SH3GL2: variants seen among roughly 807,000 people sequenced by gnomAD.
SH3GL2 encodes the protein endophilin-A1.
SH3GL2 carries 24 observed loss-of-function variants against 46.0 expected under a neutral mutation model. The observed-to-expected ratio is 0.52, with a 90% CI of 0.38 to 0.73. The LOEUF (loss-of-function observed/expected upper bound fraction) is 0.73. Among genes scored for constraint, SH3GL2 ranks in the 30% least tolerant of loss-of-function variants. The pLI is 0.00. For synonymous variants in SH3GL2, 196 were observed against 147.1 expected, an observed-to-expected ratio of 1.33 and a Z score of -2.40; for missense variants, 413 against 424.2, an observed-to-expected ratio of 0.97 and a Z score of 0.23.
intron 1 of SH3GL2, among the ~76,000 whole-genome samples, chr9:17,707,544 C>A (rs1402214032): frequency 6.6e-6 from 1 of 152,092 alleles, no homozygotes. Context: ...TGCTATGCAA[C>A]TGTGCTGTAC....
intron 1 of SH3GL2, among the ~76,000 whole-genome samples, chr9:17,646,464 T>C (rs1291657320): frequency 6.6e-6 from 1 of 152,160 alleles, no homozygotes. Flanking sequence ...GTTCTGGTTT[T>C]TGGACTTTTC....
At chr9:17,689,260 G>A (rs942465447) in intron 1 of SH3GL2, among the ~76,000 whole-genome samples, 8 of 152,008 alleles carry the variant, frequency 5.3e-5, no homozygotes, top group African/African-American at 1.9e-4. Context: ...CAAAAACAAA[G>A]AAAAGTCTGA....
At chr9:17,735,845 C>T (rs372143472) in intron 1 of SH3GL2, 11 of 455,854 alleles carry the variant, frequency 2.4e-5, no homozygotes, top group Admixed American at 6.4e-5. Context: ...CATTACTCTG[C>T]GTATATGTTT....
intron 1 of SH3GL2, among the ~76,000 whole-genome samples, chr9:17,726,821 G>T (rs1822031515): frequency 6.6e-6 from 1 of 152,106 alleles, no homozygotes; most frequent in Admixed American, 6.6e-5. Context: ...GGGAAGATGT[G>T]GAGAAACAGA....
At chr9:17,740,172 A>G (rs1203089656) in intron 1 of SH3GL2, among the ~76,000 whole-genome samples, 1 of 152,152 alleles carries the variant, frequency 6.6e-6, no homozygotes, top group Non-Finnish European at 1.5e-5. Flanking sequence ...TAGATAGACA[A>G]AATGCCTTTA....
rs144961549 is a variant in SH3GL2, at chr9:17,666,578, G to GTGTGTGTATA, written c.46-80487_46-80486insGTGTGTATAT. On this transcript the variant is annotated intron_variant, in intron 1 of 8. Transcript: ENST00000380607. ...TGTGTGTGTGTGTGTGTGTGTGTGT[G>GTGTGTGTATA]TATATACATTAAGTTTGCTTTTTTC... 2.5e-4 allele frequency among the ~76,000 whole-genome samples: 37 copies of GTGTGTGTATA among 148,230 alleles called. No homozygotes were observed. In the South Asian group the frequency reaches 2.8e-3, roughly 11 times the overall value.
chr9:17,673,210 G>A (rs1233160931), intron 1 of SH3GL2, among the ~76,000 whole-genome samples: 1 of 151,876 alleles, frequency 6.6e-6, no homozygotes, highest in East Asian at 1.9e-4. Context: ...ATGCAGTGGT[G>A]CGATTATGGC....
intron 1 of SH3GL2, among the ~76,000 whole-genome samples, chr9:17,672,642 C>A (rs1820502913): frequency 6.6e-6 from 1 of 152,138 alleles, no homozygotes; most frequent in African/African-American, 2.4e-5. Flanking sequence ...CACCCACCCC[C>A]TTCACCCAAT....
Position 17,753,806 on chromosome 9 carries a change from C to T in SH3GL2, c.114+6672C>T, listed in dbSNP as rs546612755. On this transcript the variant is annotated intron_variant, in intron 2 of 8. Coordinates refer to ENST00000380607, the MANE Select transcript of SH3GL2 (RefSeq NM_003026.5). Reference sequence around the variant, plus strand: ...GTTGTCTTTCAGGGTTTTTATGATTCGGAGTTTATACATTTAAGTCTTTAA... The same window carrying T: ...GTTGTCTTTCAGGGTTTTTATGATTTGGAGTTTATACATTTAAGTCTTTAA... Among the ~76,000 whole-genome samples, 19 of 152,042 alleles carry T rather than the reference C, an allele frequency of 1.2e-4. No individual in the cohort carries two copies. In the South Asian group the frequency reaches 1.9e-3, roughly 15 times the overall value.
intron 1 of SH3GL2, among the ~76,000 whole-genome samples, chr9:17,665,077 G>C (rs1820310263): frequency 6.6e-6 from 1 of 152,032 alleles, no homozygotes; most frequent in Non-Finnish European, 1.5e-5. Context: ...TTGCTTCATT[G>C]ACTTTATCAT....
chr9:17,634,255 C>A (rs1819495606), intron 1 of SH3GL2, among the ~76,000 whole-genome samples: 1 of 152,180 alleles, frequency 6.6e-6, no homozygotes, highest in African/African-American at 2.4e-5. Context: ...GGTGATGATA[C>A]ATATGATACA....
At chr9:17,580,457 C>T (rs775100972) in intron 1 of SH3GL2, among the ~76,000 whole-genome samples, 2 of 152,084 alleles carry the variant, frequency 1.3e-5, no homozygotes, top group Non-Finnish European at 1.5e-5. Flanking sequence ...TAATTCCCGT[C>T]GTGTGTGTGT....
At chr9:17,592,933 C>A (rs558989555) in intron 1 of SH3GL2, among the ~76,000 whole-genome samples, 1 of 152,124 alleles carries the variant, frequency 6.6e-6, no homozygotes, top group African/African-American at 2.4e-5. Flanking sequence ...AAGTGGATCA[C>A]CAAAGGCCGG....
At chr9:17,731,457 C>CAGAGAG (rs372121624) in intron 1 of SH3GL2, among the ~76,000 whole-genome samples, 1 of 149,098 alleles carries the variant, frequency 6.7e-6, no homozygotes, top group African/African-American at 2.5e-5. Context: ...GAGAGACAGA[C>CAGAGAG]AGAGAGAGAG....
chr9:17,656,007 T>C (rs1184300732), intron 1 of SH3GL2, among the ~76,000 whole-genome samples: 1 of 152,202 alleles, frequency 6.6e-6, no homozygotes, highest in Non-Finnish European at 1.5e-5. Context: ...TTAAATTCTC[T>C]ATTTTTTTAG....
At chr9:17,778,843 T>C (rs887245827) in intron 3 of SH3GL2, among the ~76,000 whole-genome samples, 1 of 152,148 alleles carries the variant, frequency 6.6e-6, no homozygotes, top group African/African-American at 2.4e-5. Context: ...TGAAGTCTAG[T>C]GCCTGAGCAA....
chr9:17,605,693 CAT>C (rs1303807421), intron 1 of SH3GL2, among the ~76,000 whole-genome samples: 1 of 152,116 alleles, frequency 6.6e-6, no homozygotes, highest in African/African-American at 2.4e-5. Context: ...GTTCAGTGTA[CAT>C]ATGTTTTCAG....
chr9:17,677,154 C>T (rs1198524791), intron 1 of SH3GL2, among the ~76,000 whole-genome samples: 1 of 149,014 alleles, frequency 6.7e-6, no homozygotes, highest in Non-Finnish European at 1.5e-5. Flanking sequence ...GACTTGGTCT[C>T]TGTGAAGATT....
chr9:17,591,078 C>T (rs1416089918), intron 1 of SH3GL2: 1 of 152,148 alleles, frequency 6.6e-6, no homozygotes. Flanking sequence ...TCACTTTTTA[C>T]AAGCTCTTTC....
Sources: allele counts gnomAD v4.1 joint callset (sites outside exome capture counted in the v4.1 genomes callset), GRCh38; gene constraint gnomAD v4.1.1; transcripts MANE v1.5; gene names NCBI Gene and HGNC (gene_info 2026-07-23, HGNC 2026-07-21).